Variants in NARF observed in about 807,000 individuals in gnomAD.
The protein encoded by NARF is iron-only hydrogenase-like protein 2.
A neutral mutation model predicts 48.0 loss-of-function variants in NARF; 41 were observed. The ratio of observed to expected loss-of-function variants is 0.85; its 90% CI spans 0.66 to 1.11. NARF has a LOEUF of 1.11. Ranked by LOEUF, NARF falls within the 50% of genes least tolerant of loss-of-function variation. The pLI is 0.00. For synonymous variants in NARF, 215 were observed against 225.5 expected, an observed-to-expected ratio of 0.95 and a Z score of 0.42; for missense variants, 613 against 590.2, an observed-to-expected ratio of 1.04 and a Z score of -0.40.
At chr17:82,480,394 C>G (rs1437878339) in intron 6 of NARF, 1 of 401,610 alleles carries the variant, frequency 2.5e-6, no homozygotes, top group African/African-American at 2.1e-5. Context: ...TTGTTTTGTC[C>G]CCATGTGCAC....
chr17:82,470,055 G>C (rs1208451028), intron 4 of NARF, among the ~76,000 whole-genome samples: 1 of 152,174 alleles, frequency 6.6e-6, no homozygotes, highest in African/African-American at 2.4e-5. Flanking sequence ...AACATAACAA[G>C]ATCCTATCTC....
At chr17:82,478,725 C>A in intron 5 of NARF, 75 bp from the exon 6 acceptor site, 1 of 1,440,288 alleles carries the variant, frequency 6.9e-7, no homozygotes, top group Non-Finnish European at 9.8e-7. Flanking sequence ...GACTCGAGCT[C>A]AGCATTCCCT....
At position 82,472,449 on chromosome 17, in the gene NARF, A is replaced by T. The variant is rs989772738; in HGVS notation, c.386-115A>T. ...CAGTGAGCCGAGATTATGCCACTGC[A>T]CTCTAGCCTGGGTGACAGAACGAGA... On this transcript the variant is annotated intron_variant, in intron 4 of 10. Transcript: ENST00000309794. 2.5e-6 allele frequency: 3 copies of T among 1,217,052 alleles called. No individual in the cohort carries two copies. In the African/African-American group the frequency reaches 4.7e-5, roughly 19 times the overall value. 75.4% of individuals were successfully genotyped at this position (1,217,052 alleles called of 1,614,324 possible).
intron 10 of NARF, 126 bp from the exon 11 acceptor site, chr17:82,487,790 A>AAGG: frequency 3.3e-6 from 2 of 613,872 alleles, no homozygotes; most frequent in Non-Finnish European, 5.3e-6. Flanking sequence ...CTCCCGCCCA[A>AAGG]TCTCTACAAA....
At chr17:82,459,100 C>T (rs138623098) in intron 1 of NARF, 2 of 1,188,132 alleles carry the variant, frequency 1.7e-6, no homozygotes, top group African/African-American at 1.6e-5. Flanking sequence ...GACCGAGCCT[C>T]TCGTGCCGCG....
chr17:82,473,527 A>G (rs1251396779), intron 5 of NARF, among the ~76,000 whole-genome samples: 2 of 150,064 alleles, frequency 1.3e-5, no homozygotes, highest in Non-Finnish European at 3.0e-5. Flanking sequence ...TTCTTTTTGT[A>G]TTTTTAGTAG....
chr17:82,489,358 C>T lies in NARF; in HGVS notation c.*1201C>T, dbSNP rs1272160504. 6.5e-6 allele frequency: 1 copy of T among 152,826 alleles called. No homozygotes were observed. Among genetic ancestry groups the T allele is most frequent in the East Asian group, 1.9e-4 (1 of 5,192 alleles). The allele number at this position is 152,826 out of a possible 1,614,324, so 9.5% of individuals were successfully genotyped here. A position where few individuals can be genotyped will look rare whatever the true frequency, so the allele number is the denominator to read the frequency against. ...AGGCCTGGCAACCCAGGCCCCAACT[C>T]AAACTTGTACATTCAGTCTTTCAGT... On this transcript the variant is annotated 3_prime_UTR_variant, in exon 11 of 11. Transcript: ENST00000309794.
intron 5 of NARF, among the ~76,000 whole-genome samples, chr17:82,475,714 C>T (rs1013805052): frequency 6.6e-6 from 1 of 151,354 alleles, no homozygotes; most frequent in African/African-American, 2.4e-5. Context: ...TCAGAAATGC[C>T]GTCACTGAGA....
intron 4 of NARF, among the ~76,000 whole-genome samples, chr17:82,469,802 C>G (rs1384898367): frequency 6.6e-6 from 1 of 152,150 alleles, no homozygotes; most frequent in East Asian, 1.9e-4. Flanking sequence ...GATGATGTTT[C>G]ACCATGTTGG....
In NARF at chr17:82,488,161, C is replaced by T; in HGVS notation, c.*4C>T. On this transcript the variant is annotated 3_prime_UTR_variant, in exon 11 of 11. Transcript: ENST00000309794. ...CAGCCTGGACATCAAGTGGTGAAGTCAGGCCAGGGCCTTCCAGCTGCTCTT... is the reference window on the plus strand; with the variant it reads ...CAGCCTGGACATCAAGTGGTGAAGTTAGGCCAGGGCCTTCCAGCTGCTCTT... The T allele has an allele frequency of 2.5e-6, 4 of 1,611,084 alleles. No individual in the cohort carries two copies. The highest frequency in any genetic ancestry group is 3.4e-6 in the Non-Finnish European group (4 of 1,177,744).
intron 6 of NARF, chr17:82,480,523 A>C (rs2043938551): frequency 2.5e-6 from 1 of 403,750 alleles, no homozygotes; most frequent in South Asian, 1.2e-4. Context: ...GCAGACAGAC[A>C]TGGATGGAGT....
intron 7 of NARF, among the ~76,000 whole-genome samples, 177 bp downstream of exon 7, chr17:82,481,388 G>C (rs997292632): frequency 1.3e-5 from 2 of 152,138 alleles, no homozygotes; most frequent in African/African-American, 4.8e-5. Context: ...GAAGAGAAGG[G>C]TCATGTTCGA....
chr17:82,488,177 A>G lies in NARF; in HGVS notation c.*20A>G. The G allele has an allele frequency of 6.2e-7, 1 of 1,608,516 alleles. No homozygotes were observed. The highest frequency in any genetic ancestry group is 8.5e-7 in the Non-Finnish European group (1 of 1,176,036). On this transcript the variant is annotated 3_prime_UTR_variant, in exon 11 of 11. Coordinates refer to ENST00000309794, the MANE Select transcript of NARF (RefSeq NM_012336.4). ...TGGTGAAGTCAGGCCAGGGCCTTCCAGCTGCTCTTGGGGCCAGAGCCAAGA... is the reference window on the plus strand; with the variant it reads ...TGGTGAAGTCAGGCCAGGGCCTTCCGGCTGCTCTTGGGGCCAGAGCCAAGA...
chr17:82,465,059 G>A (rs903537677), intron 3 of NARF, among the ~76,000 whole-genome samples: 1 of 152,194 alleles, frequency 6.6e-6, no homozygotes, highest in Non-Finnish European at 1.5e-5. Flanking sequence ...ACATGGCTGG[G>A]GAGGCCTCAG....
At chr17:82,480,782 A>G in intron 6 of NARF, 2 of 503,680 alleles carry the variant, frequency 4.0e-6, no homozygotes, top group Non-Finnish European at 7.0e-6. Flanking sequence ...AGTACAAAAA[A>G]TTAGCCAGGC....
intron 4 of NARF, among the ~76,000 whole-genome samples, chr17:82,471,111 T>G (rs2043689438): frequency 6.6e-6 from 1 of 150,756 alleles, no homozygotes; most frequent in Non-Finnish European, 1.5e-5. Context: ...TTGCGGTGAG[T>G]TGAGATTGCG....
rs189886628 is a variant in NARF at position 82,470,892 on chromosome 17, G to T, written c.386-1672G>T. ...AATTAAAAAAATCAGGCCGGGTGTG[G>T]TGGCTCATGTCTGTAATCCCAGCAC... On this transcript the variant is annotated intron_variant, in intron 4 of 10. Coordinates refer to ENST00000309794, the MANE Select transcript of NARF (RefSeq NM_012336.4). Among the ~76,000 whole-genome samples the T allele has an allele frequency of 5.8e-3, 882 of 152,210 alleles. 4 individuals are homozygous for T. The highest frequency in any genetic ancestry group is 7.6e-3 in the Non-Finnish European group (517 of 67,994).
At chr17:82,461,543 G>A (rs1033985947) in intron 2 of NARF, among the ~76,000 whole-genome samples, 3 of 152,182 alleles carry the variant, frequency 2.0e-5, no homozygotes, top group Admixed American at 1.3e-4. Context: ...CCCGGGAGGC[G>A]GAGGTTGAGG....
At chr17:82,483,938 A>T (rs975137056) in intron 8 of NARF, 159 bp downstream of exon 8, 11 of 623,780 alleles carry the variant, frequency 1.8e-5, no homozygotes. Context: ...CAGCCACCCT[A>T]TAGCTGTTGA....
Sources: allele counts gnomAD v4.1 joint callset (sites outside exome capture counted in the v4.1 genomes callset), GRCh38; gene constraint gnomAD v4.1.1; transcripts MANE v1.5; gene names NCBI Gene and HGNC (gene_info 2026-07-23, HGNC 2026-07-21).